Variants in IL20RA observed in about 807,000 individuals in gnomAD.
The protein encoded by IL20RA is interleukin 20 receptor subunit alpha.
A neutral mutation model predicts 36.5 loss-of-function variants in IL20RA; 29 were observed. The ratio of observed to expected loss-of-function variants is 0.79; its 90% CI spans 0.59 to 1.08. The LOEUF (loss-of-function observed/expected upper bound fraction) is 1.08. Among genes scored for constraint, IL20RA ranks in the 50% least tolerant of loss-of-function variants. IL20RA has a pLI of 0.00. For missense variants in IL20RA, 652 were observed against 668.4 expected (o/e 0.98, Z 0.27); for synonymous variants, 279 against 267.1 (o/e 1.04, Z -0.43).
rs562574600 is a variant in IL20RA, at chr6:137,001,885, C to T, written c.1335G>A (p.Thr445=). 23 of 1,613,656 alleles carry T rather than the reference C, an allele frequency of 1.4e-5. No homozygotes were observed. In the Admixed American group the frequency reaches 1.8e-4, roughly 13 times the overall value. The change falls in exon 7 of 7, where the codon ACG becomes ACA. Residue 445 remains threonine, a synonymous_variant. Transcript: ENST00000316649. ...QAALAVLGPQ[T]LQYSYTPQLQ... ...GCTGAGGGGTGTATGAGTACTGTAA[C>T]GTTTGCGGGCCCAAGACTGCCAACG...
At chr6:137,020,843 C>G (rs1242745690) in intron 1 of IL20RA, among the ~76,000 whole-genome samples, 1 of 152,122 alleles carries the variant, frequency 6.6e-6, no homozygotes, top group Non-Finnish European at 1.5e-5. Flanking sequence ...GCAGTTTCTT[C>G]CTTTGGATTG....
At chr6:137,011,197 C>T in intron 3 of IL20RA, 77 bp downstream of exon 3, 1 of 1,224,480 alleles carries the variant, frequency 8.2e-7, no homozygotes. Flanking sequence ...CTGGGCAAGG[C>T]TGTCTGTGAG....
chr6:137,009,994 T>C (rs1775429736), intron 3 of IL20RA, among the ~76,000 whole-genome samples: 1 of 151,924 alleles, frequency 6.6e-6, no homozygotes, highest in Admixed American at 6.5e-5. Context: ...GAAACCAACC[T>C]TGAAACCAAC....
chr6:137,037,317 C>T (rs540618049), intron 1 of IL20RA, among the ~76,000 whole-genome samples: 3 of 152,246 alleles, frequency 2.0e-5, no homozygotes, highest in South Asian at 2.1e-4. Flanking sequence ...GACCCAATTT[C>T]GTATAGATAA....
rs1173659799 is a variant in IL20RA at position 137,001,297 on chromosome 6, GCAAA to G, written c.*257_*260del. 3.0e-6 allele frequency: 1 copy of G among 328,714 alleles called. No individual in the cohort carries two copies. Among genetic ancestry groups the G allele is most frequent in the African/African-American group, 2.1e-5 (1 of 47,220 alleles). 20.4% of individuals were successfully genotyped at this position (328,714 alleles called of 1,614,324 possible). On this transcript the variant is annotated 3_prime_UTR_variant, in exon 7 of 7. Coordinates refer to ENST00000316649, the MANE Select transcript of IL20RA (RefSeq NM_014432.4). ...CTGAATAAATTCTGCACCCAGTCTGGCAAACATTTATTGACTGCTTTCTCTGCAT... is the reference window on the plus strand; with the variant it reads ...CTGAATAAATTCTGCACCCAGTCTGGCATTTATTGACTGCTTTCTCTGCAT...
At chr6:137,002,438 C>G in intron 6 of IL20RA, 83 bp from the exon 7 acceptor site, 2 of 905,722 alleles carry the variant, frequency 2.2e-6, no homozygotes. Context: ...TATCTTGTCA[C>G]CAGACAGTTT....
chr6:137,031,512 T>C (rs75401617), intron 1 of IL20RA, among the ~76,000 whole-genome samples: 3,862 of 152,324 alleles, frequency 0.025, 164 homozygotes, highest in African/African-American at 0.088. Context: ...TTCAGTACAG[T>C]AGCATGCAGT....
chr6:137,037,020 G>A (rs1423186132), intron 1 of IL20RA, among the ~76,000 whole-genome samples: 1 of 152,172 alleles, frequency 6.6e-6, no homozygotes, highest in East Asian at 1.9e-4. Flanking sequence ...TTAACTAGGA[G>A]CACATAGCTG....
intron 1 of IL20RA, among the ~76,000 whole-genome samples, chr6:137,024,093 AAAAACAAAAC>A (rs546498607): frequency 3.9e-5 from 6 of 152,180 alleles, no homozygotes; most frequent in African/African-American, 4.8e-5. Context: ...GACTCTATCT[AAAAACAAAAC>A]AAAACAAAAC....
At chr6:137,004,544 C>G in intron 6 of IL20RA, 77 bp downstream of exon 6, 1 of 1,330,898 alleles carries the variant, frequency 7.5e-7, no homozygotes, top group Non-Finnish European at 1.1e-6. Flanking sequence ...GGAACTGAAT[C>G]TGTTCTAGAA....
chr6:137,030,561 C>A (rs2115413853), intron 1 of IL20RA, among the ~76,000 whole-genome samples: 1 of 152,284 alleles, frequency 6.6e-6, no homozygotes, highest in South Asian at 2.1e-4. Context: ...TCCCCATCAT[C>A]AGCTTTCCCA....
rs1244357500 is a variant in IL20RA, at chr6:137,008,680, A to C, written c.643T>G (p.Cys215Gly). 2 of 1,608,794 alleles carry C rather than the reference A, an allele frequency of 1.2e-6. No homozygotes were observed. The highest frequency in any genetic ancestry group is 3.4e-5 in the Admixed American group (2 of 59,464). ...LTWLEPNTLYCVHVESFVPGP... is the reference protein window; with the variant it reads ...LTWLEPNTLYGVHVESFVPGP... ...GGGACGAAGGACTCCACGTGTACGC[A>C]GTAAAGAGTGTTCGGCTCCAGCCAG... The change falls in exon 5 of 7, where the codon TGC becomes GGC. Residue 215 changes from cysteine to glycine, a missense_variant. Cys to Gly is a radical substitution (Grantham distance 159, BLOSUM62 -3). Transcript: ENST00000316649.
chr6:137,019,208 C>G (rs1456419845), intron 1 of IL20RA, among the ~76,000 whole-genome samples: 2 of 151,894 alleles, frequency 1.3e-5, no homozygotes, highest in Non-Finnish European at 2.9e-5. Flanking sequence ...CTCACTGCAA[C>G]CTCCACTTCC....
intron 1 of IL20RA, among the ~76,000 whole-genome samples, chr6:137,018,105 AAAATATT>A (rs1168224654): frequency 6.6e-6 from 1 of 152,204 alleles, no homozygotes; most frequent in African/African-American, 2.4e-5. Context: ...TGAAAAATAT[AAAATATT>A]AATACTGCCA....
chr6:137,034,027 A>G (rs918215612), intron 1 of IL20RA, among the ~76,000 whole-genome samples: 1 of 152,196 alleles, frequency 6.6e-6, no homozygotes, highest in Non-Finnish European at 1.5e-5. Context: ...GGTAAATAGT[A>G]CCTATGTCAG....
rs1261851909 is a variant in IL20RA at position 137,044,682 on chromosome 6, G to GGCGGCA, written c.41_46dup (p.Leu14_Pro15dup). 16 of 1,224,070 alleles carry GGCGGCA rather than the reference G, an allele frequency of 1.3e-5. No individual in the cohort carries two copies. The African/African-American group carries it at 1.6e-4, about 12-fold the overall frequency. The allele number at this position is 1,224,070 out of a possible 1,614,324, so 75.8% of individuals were successfully genotyped here. On this transcript the variant is annotated inframe_insertion, in exon 1 of 7. Transcript: ENST00000316649. ...CGCCGCCAGGAGCAACAGCAGCAGC[G>GGCGGCA]GCGGCAGCGGCAGCGGCCGCAGGGC...
intron 1 of IL20RA, among the ~76,000 whole-genome samples, chr6:137,043,893 T>C (rs1485992867): frequency 6.6e-6 from 1 of 152,244 alleles, no homozygotes; most frequent in African/African-American, 2.4e-5. Context: ...ATCAGGTTAA[T>C]GAATCATTCT....
chr6:137,031,459 T>A (rs1383833939), intron 1 of IL20RA, among the ~76,000 whole-genome samples: 1 of 152,246 alleles, frequency 6.6e-6, no homozygotes. Context: ...GTGTATCTAT[T>A]TTTAGATACA....
intron 1 of IL20RA, among the ~76,000 whole-genome samples, chr6:137,037,288 T>C (rs1776522885): frequency 6.6e-6 from 1 of 152,144 alleles, no homozygotes; most frequent in African/African-American, 2.4e-5. Flanking sequence ...AATGCAGCGA[T>C]TGCTACCCTC....
Sources: gnomAD v4.1 joint callset for allele counts (sites outside exome capture counted in the v4.1 genomes callset) on GRCh38, gnomAD v4.1.1 for gene constraint, MANE v1.5 for transcripts, NCBI Gene and HGNC (gene_info 2026-07-23, HGNC 2026-07-21) for gene names.